The following PHLDB2 variants were observed in gnomAD, a reference collection of about 807,000 sequenced individuals.
The protein encoded by PHLDB2 is pleckstrin homology-like domain family B member 2.
A neutral mutation model predicts 123.6 loss-of-function variants in PHLDB2; 71 were observed. The observed-to-expected ratio is 0.57, with a 90% CI of 0.47 to 0.70. PHLDB2 has a LOEUF of 0.70. Among genes scored for constraint, PHLDB2 ranks in the 30% least tolerant of loss-of-function variants. The pLI, the probability that PHLDB2 is intolerant of heterozygous loss-of-function variation, is 0.00. For synonymous variants in PHLDB2, 547 were observed against 541.6 expected (o/e 1.01, Z -0.14); for missense variants, 1,446 against 1,519.5 (o/e 0.95, Z 0.80).
At chr3:111,828,739 C>T (rs1443058406) in intron 1 of PHLDB2, among the ~76,000 whole-genome samples, 1 of 152,066 alleles carries the variant, frequency 6.6e-6, no homozygotes, top group Non-Finnish European at 1.5e-5. Flanking sequence ...GCCAAGATTG[C>T]GCCACAGCAC....
At chr3:111,780,518 A>C (rs966549520) in intron 1 of PHLDB2, among the ~76,000 whole-genome samples, 6 of 151,638 alleles carry the variant, frequency 4.0e-5, no homozygotes, top group Non-Finnish European at 8.8e-5. Context: ...ATGCTCTTAG[A>C]CTTCTCAGCC....
intron 1 of PHLDB2, among the ~76,000 whole-genome samples, chr3:111,796,400 C>T (rs906628953): frequency 2.6e-5 from 4 of 152,256 alleles, no homozygotes; most frequent in African/African-American, 2.4e-5. Context: ...TTACCTAGTT[C>T]AAGCTGCTAT....
intron 2 of PHLDB2, among the ~76,000 whole-genome samples, chr3:111,902,600 G>C (rs998201351): frequency 6.6e-6 from 1 of 152,088 alleles, no homozygotes; most frequent in Admixed American, 6.6e-5. Context: ...TGGGTTTGAG[G>C]GAAATGTTGA....
At chr3:111,919,962 C>T (rs1405157615) in intron 4 of PHLDB2, among the ~76,000 whole-genome samples, 1 of 151,828 alleles carries the variant, frequency 6.6e-6, no homozygotes, top group African/African-American at 2.4e-5. Flanking sequence ...CGTGGCTGCT[C>T]CCATGGTGGT....
At chr3:111,795,838 C>T (rs2061134209) in intron 1 of PHLDB2, among the ~76,000 whole-genome samples, 1 of 152,148 alleles carries the variant, frequency 6.6e-6, no homozygotes, top group African/African-American at 2.4e-5. Flanking sequence ...GATTTTCCTG[C>T]CTCAGCCTCC....
chr3:111,747,539 CTG>C (rs2059699879), intron 1 of PHLDB2, among the ~76,000 whole-genome samples: 1 of 152,158 alleles, frequency 6.6e-6, no homozygotes, highest in Non-Finnish European at 1.5e-5. Context: ...AGCCCAGAGA[CTG>C]TGATTTGTTG....
intron 5 of PHLDB2, among the ~76,000 whole-genome samples, chr3:111,921,627 G>A (rs11919759): frequency 1.9e-4 from 17 of 90,044 alleles, no homozygotes; most frequent in East Asian, 5.7e-4. Flanking sequence ...TTTTTGAAAC[G>A]GAGTCTCACT....
At chr3:111,848,158 A>G (rs1177243948) in intron 2 of PHLDB2, among the ~76,000 whole-genome samples, 1 of 152,186 alleles carries the variant, frequency 6.6e-6, no homozygotes, top group Non-Finnish European at 1.5e-5. Flanking sequence ...GTTGGAATGA[A>G]AAACAAAGGA....
At chr3:111,817,072 C>T (rs2062113373) in intron 1 of PHLDB2, among the ~76,000 whole-genome samples, 1 of 152,170 alleles carries the variant, frequency 6.6e-6, no homozygotes, top group Admixed American at 6.5e-5. Context: ...TGAGGCCTCC[C>T]CAGCCATGTG....
At chr3:111,909,259 T>C (rs1383750343) in intron 2 of PHLDB2, among the ~76,000 whole-genome samples, 1 of 152,228 alleles carries the variant, frequency 6.6e-6, no homozygotes, top group African/African-American at 2.4e-5. Flanking sequence ...ACTTCTGTTA[T>C]CACTGCTTTT....
At chr3:111,798,975 C>T (rs546400594) in intron 1 of PHLDB2, among the ~76,000 whole-genome samples, 1 of 152,150 alleles carries the variant, frequency 6.6e-6, no homozygotes, top group South Asian at 2.1e-4. Flanking sequence ...CTAGGGAGGC[C>T]CTAGGAAACT....
chr3:111,846,388 T>A (rs2063987138), intron 2 of PHLDB2: 1 of 159,876 alleles, frequency 6.3e-6, no homozygotes, highest in Non-Finnish European at 1.4e-5. Context: ...TGGTTCTGGA[T>A]GAAATCTTTG....
chr3:111,848,120 C>T (rs1353928908), intron 2 of PHLDB2, among the ~76,000 whole-genome samples: 1 of 152,102 alleles, frequency 6.6e-6, no homozygotes, highest in Admixed American at 6.5e-5. Context: ...CTAAACCTTC[C>T]TTCTTTCTTG....
Position 111,940,557 on chromosome 3 carries a change from A to G in PHLDB2, c.2309A>G (p.Lys770Arg). ...SRKEKISALK[K>R]QANHIVQQAQ... ...CAGGAAAAAATTTCTGCATTGAAAA[A>G]GCAAGCCAATCACATTGTTCAGCAG... Residue 770 changes from lysine (K) to arginine (R), a missense_variant, in exon 8 of 18, where the codon AAG becomes AGG. Physicochemically the swap from Lys to Arg is conservative, Grantham distance 26. This residue lies in a region of PHLDB2 where 594 missense variants were observed against 646.0 expected (regional missense o/e 0.92). Coordinates refer to ENST00000431670, the MANE Select transcript of PHLDB2 (RefSeq NM_001134438.2). The G allele has an allele frequency of 6.2e-7, 1 of 1,601,486 alleles. No individual in the cohort carries two copies. Among genetic ancestry groups the G allele is most frequent in the Admixed American group, 1.7e-5 (1 of 58,130 alleles).
At chr3:111,773,057 T>G (rs1243261046) in intron 1 of PHLDB2, among the ~76,000 whole-genome samples, 2 of 152,180 alleles carry the variant, frequency 1.3e-5, no homozygotes, top group African/African-American at 4.8e-5. Flanking sequence ...AGTAAACAGA[T>G]AGGTAAGAAG....
At chr3:111,801,314 C>T (rs775924923) in intron 1 of PHLDB2, among the ~76,000 whole-genome samples, 5 of 152,120 alleles carry the variant, frequency 3.3e-5, no homozygotes, top group Non-Finnish European at 7.4e-5. Flanking sequence ...AAGCAGGCCT[C>T]CCTCCCTCCT....
At chr3:111,881,728 A>T (rs1432198838) in intron 1 of PHLDB2, among the ~76,000 whole-genome samples, 1 of 150,486 alleles carries the variant, frequency 6.6e-6, no homozygotes, top group Non-Finnish European at 1.5e-5. Flanking sequence ...GATGAAATAG[A>T]CTAGTAGCCA....
At position 111,884,057 on chromosome 3, in the gene PHLDB2, T is replaced by C. The variant is rs867656046; in HGVS notation, c.-14-7T>C. The C allele has an allele frequency of 6.3e-7, 1 of 1,590,700 alleles. No individual in the cohort carries two copies. The highest frequency in any genetic ancestry group is 8.5e-7 in the Non-Finnish European group (1 of 1,171,936). Reference sequence around the variant, plus strand: ...AAGGCAAAATTTTCTGTTTTATTTCTTTACAGATTCCAGCAAGATTATGGA... The same window carrying C: ...AAGGCAAAATTTTCTGTTTTATTTCCTTACAGATTCCAGCAAGATTATGGA... On this transcript the variant is annotated splice_region_variant and splice_polypyrimidine_tract_variant and intron_variant, in intron 1 of 17. Coordinates refer to ENST00000431670, the MANE Select transcript of PHLDB2 (RefSeq NM_001134438.2).
intron 15 of PHLDB2, 86 bp from the exon 16 acceptor site, chr3:111,969,604 A>C: frequency 1.9e-6 from 2 of 1,057,460 alleles, no homozygotes. Context: ...CTTAGGTTTT[A>C]CAGTTAATTT....
Sources: allele counts gnomAD v4.1 joint callset (sites outside exome capture counted in the v4.1 genomes callset), GRCh38; gene constraint gnomAD v4.1.1; regional missense constraint gnomAD v4.1.1; transcripts MANE v1.5; gene names NCBI Gene and HGNC (gene_info 2026-07-23, HGNC 2026-07-21).